The following CHID1 variants were observed in gnomAD, a reference collection of about 807,000 sequenced individuals.
The protein encoded by CHID1 is chitinase domain containing 1.
A neutral mutation model predicts 55.4 loss-of-function variants in CHID1; 44 were observed. The ratio of observed to expected loss-of-function variants is 0.79; its 90% CI spans 0.62 to 1.02. The LOEUF (loss-of-function observed/expected upper bound fraction) is 1.02. Ranked by LOEUF, CHID1 falls within the 50% of genes least tolerant of loss-of-function variation. The pLI is 0.00. For missense variants in CHID1, 491 were observed against 515.3 expected (o/e 0.95, Z 0.46); for synonymous variants, 216 against 212.9 (o/e 1.01, Z -0.13).
intron 7 of CHID1, among the ~76,000 whole-genome samples, chr11:898,139 T>C (rs865802033): frequency 6.6e-6 from 1 of 152,198 alleles, no homozygotes; most frequent in Non-Finnish European, 1.5e-5. Flanking sequence ...AATCCTGCCC[T>C]ACCCCTCATG....
chr11:908,956 C>A (rs534352854), intron 1 of CHID1, among the ~76,000 whole-genome samples: 47 of 152,392 alleles, frequency 3.1e-4, no homozygotes, highest in African/African-American at 1.0e-3. Context: ...GAGAACCTAA[C>A]TGAACACAAG....
rs1483270719 is a variant in CHID1, at chr11:875,787, T to C, written c.960-5288A>G. 6.6e-6 allele frequency among the ~76,000 whole-genome samples: 1 copy of C among 151,880 alleles called. No homozygotes were observed. Among genetic ancestry groups the C allele is most frequent in the Non-Finnish European group, 1.5e-5 (1 of 67,976 alleles). Reference sequence around the variant, plus strand: ...GCAGCAAAAGACGCCACGGCAGTGATGAGGACCACGTGCCTAAGATTCAAT... The same window carrying C: ...GCAGCAAAAGACGCCACGGCAGTGACGAGGACCACGTGCCTAAGATTCAAT... On this transcript the variant is annotated intron_variant, in intron 10 of 12. Transcript: ENST00000323578. This position sits in a 1 kb window ranked among gnomAD's most constrained non-coding sequence, Gnocchi z 4.7.
Position 900,007 on chromosome 11 carries a change from T to C in CHID1, c.543A>G (p.Ala181=). The C allele has an allele frequency of 1.2e-6, 2 of 1,612,824 alleles. No homozygotes were observed. ...EELSKTVVQV[A]KNQHFDGFVV... ...TGGAGCAGCACACAGGTCTCACCTT[T>C]GCCACCTGGACCACGGTCTTGCTCA... is the stretch of plus-strand genomic sequence containing the variant. The change falls in exon 6 of 13, where the codon GCA becomes GCG. Residue 181 remains alanine (A), a synonymous_variant. Coordinates refer to ENST00000323578, the MANE Select transcript of CHID1 (RefSeq NM_023947.4).
chr11:908,150 A>G (rs1203082119), intron 1 of CHID1: 4 of 152,282 alleles, frequency 2.6e-5, no homozygotes, highest in African/African-American at 9.7e-5. Context: ...TCCCCCACCT[A>G]GGAGGCAGGG....
Position 888,461 on chromosome 11 carries a change from G to A in CHID1, c.702-4292C>T, listed in dbSNP as rs573524670. Reference sequence around the variant, plus strand: ...CTTCACCCAGACACATGCGAGAGCCGGCAGCAGAGCCATCTGTCTCCGTGC... The same window carrying A: ...CTTCACCCAGACACATGCGAGAGCCAGCAGCAGAGCCATCTGTCTCCGTGC... On this transcript the variant is annotated intron_variant, in intron 8 of 12. Coordinates refer to ENST00000323578, the MANE Select transcript of CHID1 (RefSeq NM_023947.4). 9.8e-5 allele frequency among the ~76,000 whole-genome samples: 15 copies of A among 152,362 alleles called. No homozygotes were observed. The East Asian group carries it at 2.3e-3, about 24-fold the overall frequency.
Position 904,812 on chromosome 11 carries a change from C to T in CHID1, c.5G>A (p.Arg2Gln), listed in dbSNP as rs115345705. 940 of 1,613,770 alleles carry T rather than the reference C, an allele frequency of 5.8e-4. 8 individuals carry two copies. The African/African-American group carries it at 0.011, about 19-fold the overall frequency. The change falls in exon 2 of 13, where the codon CGG becomes CAG. Residue 2 changes from arginine to glutamine, a missense_variant. By Grantham distance (43) the Arg-to-Gln change is conservative. Coordinates refer to ENST00000323578, the MANE Select transcript of CHID1 (RefSeq NM_023947.4). ...AAGCCAGAGGAGGTTGAAGAGTGTCCGCATGGTAGGTGTGTCACAGTAGGG... is the reference window on the plus strand; with the variant it reads ...AAGCCAGAGGAGGTTGAAGAGTGTCTGCATGGTAGGTGTGTCACAGTAGGG... Reference protein sequence around the residue: MRTLFNLLWLAL... With the variant: MQTLFNLLWLAL...
chr11:872,339 G>A (rs1333493718), intron 10 of CHID1, among the ~76,000 whole-genome samples: 2 of 152,168 alleles, frequency 1.3e-5, no homozygotes, highest in Non-Finnish European at 2.9e-5. Context: ...TGTATTTTTA[G>A]TAGAGATGGA....
At chr11:880,923 G>A (rs548204006) in intron 10 of CHID1, among the ~76,000 whole-genome samples, 2 of 152,324 alleles carry the variant, frequency 1.3e-5, no homozygotes, top group East Asian at 1.9e-4. Flanking sequence ...CACGCAACAT[G>A]GTAAAATTCG....
At chr11:907,752 C>T (rs1305035110) in intron 1 of CHID1, among the ~76,000 whole-genome samples, 1 of 152,174 alleles carries the variant, frequency 6.6e-6, no homozygotes, top group African/African-American at 2.4e-5. Flanking sequence ...GGGCACATGG[C>T]CTTCCCCTTG....
intron 3 of CHID1, 129 bp downstream of exon 3, chr11:902,830 ACAG>A: frequency 1.7e-5 from 14 of 843,236 alleles, no homozygotes; most frequent in Non-Finnish European, 2.4e-5. Context: ...CCGTAGCCTC[ACAG>A]CAGCAGCAGC....
At chr11:900,526 T>C (rs944875010) in intron 5 of CHID1, among the ~76,000 whole-genome samples, 1 of 152,148 alleles carries the variant, frequency 6.6e-6, no homozygotes, top group African/African-American at 2.4e-5. Flanking sequence ...CTACTGGACG[T>C]GGGGACACAT....
intron 1 of CHID1, chr11:910,557 C>T: frequency 1.8e-6 from 2 of 1,112,596 alleles, no homozygotes; most frequent in Non-Finnish European, 2.3e-6. Context: ...TCTCGCTCAC[C>T]CTCGCTCTCA....
chr11:888,539 G>C (rs1017934090), intron 8 of CHID1, among the ~76,000 whole-genome samples: 1 of 152,256 alleles, frequency 6.6e-6, no homozygotes, highest in Non-Finnish European at 1.5e-5. Flanking sequence ...TGAGGTAACA[G>C]CTTGTCACGG....
rs775047274 is a variant in CHID1 at position 883,183 on chromosome 11, G to T, written c.924C>A (p.Thr308=). Residue 308 remains threonine (T), a synonymous_variant, in exon 10 of 13, where the codon ACC becomes ACA. Transcript: ENST00000323578. The part of the protein sequence containing the change: ...GLNFYGMDYA[T]SKDAREPVVG... The stretch of plus-strand genomic sequence containing the variant: ...CAACAGGCTCACGGGCATCCTTGGA[G>T]GTCGCGTAGTCCATACCATAGAAGT... The T allele has an allele frequency of 1.9e-5, 31 of 1,613,824 alleles. No individual in the cohort carries two copies. Among genetic ancestry groups the T allele is most frequent in the Non-Finnish European group, 2.6e-5 (31 of 1,179,738 alleles).
upstream of CHID1, among the ~76,000 whole-genome samples, chr11:913,421 T>C (rs1852798592): frequency 6.6e-6 from 1 of 152,124 alleles, no homozygotes. Flanking sequence ...GTTTGAAATG[T>C]TGAAAATTGC....
chr11:900,422 G>A (rs990809105), intron 5 of CHID1, among the ~76,000 whole-genome samples: 2 of 152,164 alleles, frequency 1.3e-5, no homozygotes, highest in Non-Finnish European at 2.9e-5. Context: ...GACAGACTCT[G>A]GCTGCTCCAG....
At position 904,768 on chromosome 11, in the gene CHID1, C is replaced by G. The variant is rs1157404760; in HGVS notation, c.49G>C (p.Val17Leu). ...LLWLALACSP[V>L]HTTLSKSDAK... ...TCTGACTTTGACAGGGTAGTGTGAA[C>G]AGGGCTGCAGGCCAGGGCAAGCCAG... Residue 17 changes from valine to leucine, a missense_variant, in exon 2 of 13, where the codon GTT becomes CTT. Coordinates refer to ENST00000323578, the MANE Select transcript of CHID1 (RefSeq NM_023947.4). 1 of 1,613,974 alleles carries G rather than the reference C, an allele frequency of 6.2e-7. No homozygotes were observed. The highest frequency in any genetic ancestry group is 8.5e-7 in the Non-Finnish European group (1 of 1,180,032).
chr11:912,466 G>A (rs1461498869), upstream of CHID1, among the ~76,000 whole-genome samples: 3 of 152,212 alleles, frequency 2.0e-5, no homozygotes, highest in Non-Finnish European at 4.4e-5. Context: ...GGTTCCTGGG[G>A]GAGTCTTGTC....
chr11:877,988 G>A (rs1849634207), intron 10 of CHID1, among the ~76,000 whole-genome samples: 2 of 152,226 alleles, frequency 1.3e-5, no homozygotes, highest in African/African-American at 4.8e-5. Flanking sequence ...TTCTAAGAAG[G>A]GGAAGGCGGC....
Sources: gnomAD v4.1 joint callset for allele counts (sites outside exome capture counted in the v4.1 genomes callset) on GRCh38, gnomAD v4.1.1 for gene constraint, Gnocchi (gnomAD v3.1) non-coding constraint, MANE v1.5 for transcripts, NCBI Gene and HGNC (gene_info 2026-07-23, HGNC 2026-07-21) for gene names.